TMEM184B: variants seen among roughly 807,000 people sequenced by gnomAD.
TMEM184B encodes the protein putative MAPK-activating protein FM08.
Under a neutral mutation model 41.8 loss-of-function variants are expected in TMEM184B, and 17 were observed. The observed-to-expected ratio is 0.41, with a 90% CI of 0.28 to 0.61. TMEM184B has a LOEUF of 0.61. TMEM184B is among the 20% of genes least tolerant of loss of function. The pLI is 0.34. For synonymous variants in TMEM184B, 240 were observed against 229.5 expected (o/e 1.05, Z -0.41); for missense variants, 393 against 557.8 (o/e 0.70, Z 2.98).
chr22:38,223,618 G>A (rs1163058270), intron 8 of TMEM184B: 1 of 152,298 alleles, frequency 6.6e-6, no homozygotes, highest in East Asian at 1.9e-4. Context: ...CTGCAGGTAG[G>A]CCCTGGGGAA....
chr22:38,235,617 T>TG (rs1316867141), intron 3 of TMEM184B, among the ~76,000 whole-genome samples: 2 of 152,148 alleles, frequency 1.3e-5, no homozygotes, highest in Non-Finnish European at 2.9e-5. Flanking sequence ...GAGTCGATAA[T>TG]GGACTCCCTA....
chr22:38,229,042 T>A (rs1293909877), intron 5 of TMEM184B, among the ~76,000 whole-genome samples: 1 of 152,208 alleles, frequency 6.6e-6, no homozygotes, highest in Non-Finnish European at 1.5e-5. Context: ...AGGAACATGC[T>A]AGGGAAGGAA....
chr22:38,272,543 C>T, intron 1 of TMEM184B: 4 of 985,850 alleles, frequency 4.1e-6, no homozygotes, highest in Non-Finnish European at 3.6e-6. Flanking sequence ...AGCACACAAT[C>T]CCTCTTGCAA....
Position 38,226,406 on chromosome 22 carries a change from A to C in TMEM184B, c.617+373T>G. 1 of 215,664 alleles carries C rather than the reference A, an allele frequency of 4.6e-6. No homozygotes were observed. Among genetic ancestry groups the C allele is most frequent in the East Asian group, 1.1e-4 (1 of 9,020 alleles). 13.4% of individuals were successfully genotyped at this position (215,664 alleles called of 1,614,324 possible). A position where few individuals can be genotyped will look rare whatever the true frequency, so the allele number is the denominator to read the frequency against. ...ACGGGGTCACTTTCACTAAGCCCAG[A>C]ATGAAATGGGTGTGGACAATTTACA... On this transcript the variant is annotated intron_variant, in intron 6 of 8. Transcript: ENST00000361906. This position sits in a 1 kb window ranked among gnomAD's most constrained non-coding sequence, Gnocchi z 4.6.
Position 38,219,384 on chromosome 22 carries a change from C to A in TMEM184B, c.*2085G>T, listed in dbSNP as rs886410196. On this transcript the variant is annotated 3_prime_UTR_variant, in exon 9 of 9. Coordinates refer to ENST00000361906, the MANE Select transcript of TMEM184B (RefSeq NM_012264.5). ...CACGCATTTAAAATGTCACAGAGAC[C>A]AAAATAGAGTGGCTTTCTGGTGGAA... 1.0e-6 allele frequency: 1 copy of A among 985,630 alleles called. No individual in the cohort carries two copies. The highest frequency in any genetic ancestry group is 1.2e-6 in the Non-Finnish European group (1 of 829,924). The allele number at this position is 985,630 out of a possible 1,614,324, so 61.1% of individuals were successfully genotyped here. A position where few individuals can be genotyped will look rare whatever the true frequency, so the allele number is the denominator to read the frequency against.
chr22:38,236,205 TGA>T (rs1437268880), intron 3 of TMEM184B, among the ~76,000 whole-genome samples: 3 of 152,196 alleles, frequency 2.0e-5, no homozygotes, highest in Non-Finnish European at 4.4e-5. Flanking sequence ...ATCGTTGGAA[TGA>T]GAGTAGGCTG....
chr22:38,221,747 C>T (rs2091267261), intron 8 of TMEM184B, 37 bp from the exon 9 acceptor site: 2 of 1,605,566 alleles, frequency 1.2e-6, no homozygotes, highest in Admixed American at 1.7e-5. Flanking sequence ...GGTGAGGAGG[C>T]TGGGACGGTG....
chr22:38,268,236 C>A (rs189078749), intron 1 of TMEM184B, among the ~76,000 whole-genome samples: 1 of 152,062 alleles, frequency 6.6e-6, no homozygotes, highest in East Asian at 1.9e-4. Flanking sequence ...CAAAAATTAG[C>A]CAGGCATGAT....
chr22:38,226,637 C>A lies in TMEM184B; in HGVS notation c.617+142G>T. The A allele has an allele frequency of 1.2e-6, 1 of 812,502 alleles. No homozygotes were observed. The highest frequency in any genetic ancestry group is 1.9e-6 in the Non-Finnish European group (1 of 514,586). The allele number at this position is 812,502 out of a possible 1,614,324, so 50.3% of individuals were successfully genotyped here. Reference sequence around the variant, plus strand: ...CTGCAAGGGTGTCCACTGCTGGGCTCAGACTTCAGGGGGGTTGTGAGCACC... The same window carrying A: ...CTGCAAGGGTGTCCACTGCTGGGCTAAGACTTCAGGGGGGTTGTGAGCACC... On this transcript the variant is annotated intron_variant, in intron 6 of 8. Coordinates refer to ENST00000361906, the MANE Select transcript of TMEM184B (RefSeq NM_012264.5). The surrounding 1 kb of genome is among the most constrained non-coding windows in gnomAD (Gnocchi z 4.6).
chr22:38,221,138 G>A lies in TMEM184B; in HGVS notation c.*331C>T. 1 of 1,164,182 alleles carries A rather than the reference G, an allele frequency of 8.6e-7. No homozygotes were observed. The highest frequency in any genetic ancestry group is 1.1e-6 in the Non-Finnish European group (1 of 941,392). The allele number at this position is 1,164,182 out of a possible 1,614,324, so 72.1% of individuals were successfully genotyped here. ...AGGGGCTAGAAGGCTGCAGCCGCTG[G>A]TCCACACACAAGCATTGGGGCCTGG... On this transcript the variant is annotated 3_prime_UTR_variant, in exon 9 of 9. Transcript: ENST00000361906.
chr22:38,218,464 C>T (rs1356701027), downstream of TMEM184B, among the ~76,000 whole-genome samples: 1 of 152,124 alleles, frequency 6.6e-6, no homozygotes, highest in Admixed American at 6.5e-5. Context: ...TTTTAACACT[C>T]CGAACACACA....
chr22:38,222,037 G>A (rs1034054672), intron 8 of TMEM184B: 4 of 370,762 alleles, frequency 1.1e-5, no homozygotes, highest in Non-Finnish European at 2.0e-5. Context: ...GCCCCAGAGA[G>A]GCCAGAGCAG....
At chr22:38,248,869 C>G (rs1271134133) in intron 1 of TMEM184B, among the ~76,000 whole-genome samples, 1 of 152,214 alleles carries the variant, frequency 6.6e-6, no homozygotes, top group Non-Finnish European at 1.5e-5. Context: ...TTCGCCATTT[C>G]TCCCCCTTTC....
chr22:38,249,716 A>G (rs1039536028), intron 1 of TMEM184B, among the ~76,000 whole-genome samples: 3 of 152,186 alleles, frequency 2.0e-5, no homozygotes, highest in African/African-American at 7.2e-5. Flanking sequence ...GAGGCAGTCG[A>G]TTTATGGGAT....
chr22:38,272,771 C>T, intron 1 of TMEM184B, 113 bp downstream of exon 1: 2 of 985,220 alleles, frequency 2.0e-6, no homozygotes, highest in Non-Finnish European at 2.4e-6. Context: ...CGGGAGCCGG[C>T]GGCCGAAGCC....
In TMEM184B at chr22:38,239,962, G is replaced by A. The variant is rs754875858; in HGVS notation, c.358+5973C>T. On this transcript the variant is annotated intron_variant, in intron 3 of 8. Transcript: ENST00000361906. The surrounding 1 kb of genome is among the most constrained non-coding windows in gnomAD (Gnocchi z 4.6). ...CAGCAATTTTTTTTTTTTCTGGGGC[G>A]GGTAGAGATGAGGTCGAGGTCTCGC... Among the ~76,000 whole-genome samples, 3 of 151,630 alleles carry A rather than the reference G, an allele frequency of 2.0e-5. No homozygotes were observed. Among genetic ancestry groups the A allele is most frequent in the Non-Finnish European group, 2.9e-5 (2 of 67,928 alleles).
In TMEM184B at chr22:38,239,981, G is replaced by T. The variant is rs1242496426; in HGVS notation, c.358+5954C>A. Among the ~76,000 whole-genome samples, 5 of 151,916 alleles carry T rather than the reference G, an allele frequency of 3.3e-5. No homozygotes were observed. Among genetic ancestry groups the T allele is most frequent in the African/African-American group, 1.2e-4 (5 of 41,338 alleles). Reference sequence around the variant, plus strand: ...TGGGGCGGGTAGAGATGAGGTCGAGGTCTCGCTCAGTTGCCCAGGCTGGAG... The same window carrying T: ...TGGGGCGGGTAGAGATGAGGTCGAGTTCTCGCTCAGTTGCCCAGGCTGGAG... On this transcript the variant is annotated intron_variant, in intron 3 of 8. Coordinates refer to ENST00000361906, the MANE Select transcript of TMEM184B (RefSeq NM_012264.5). This position sits in a 1 kb window ranked among gnomAD's most constrained non-coding sequence, Gnocchi z 4.6.
chr22:38,253,550 A>C lies in TMEM184B; in HGVS notation c.-58-5531T>G, dbSNP rs189814875. On this transcript the variant is annotated intron_variant, in intron 1 of 8. Coordinates refer to ENST00000361906, the MANE Select transcript of TMEM184B (RefSeq NM_012264.5). ...CACACCACTGCACTCCAGCCTGGGC[A>C]ACAGAGCAAGACTCCATCTCAAAAA... Among the ~76,000 whole-genome samples, 1,057 of 152,224 alleles carry C rather than the reference A, an allele frequency of 6.9e-3. 9 individuals are homozygous for C. Among genetic ancestry groups the C allele is most frequent in the Non-Finnish European group, 0.011 (762 of 68,012 alleles).
intron 3 of TMEM184B, 147 bp from the exon 4 acceptor site, chr22:38,231,481 G>A (rs2091619861): frequency 1.3e-6 from 1 of 754,586 alleles, no homozygotes; most frequent in South Asian, 1.4e-5. Context: ...TGTGCAAAAG[G>A]AGCCCGTCAA....
Sources: gnomAD v4.1 joint callset for allele counts (sites outside exome capture counted in the v4.1 genomes callset) on GRCh38, gnomAD v4.1.1 for gene constraint, Gnocchi (gnomAD v3.1) non-coding constraint, MANE v1.5 for transcripts, NCBI Gene and HGNC (gene_info 2026-07-23, HGNC 2026-07-21) for gene names.